The following DENND4A variants were observed in gnomAD, a reference collection of about 807,000 sequenced individuals.
DENND4A encodes the protein DENN domain containing 4A.
A neutral mutation model predicts 199.3 loss-of-function variants in DENND4A; 70 were observed. The observed-to-expected ratio is 0.35, with a 90% CI of 0.29 to 0.43. DENND4A has a LOEUF of 0.43. Ranked by LOEUF, DENND4A falls within the 20% of genes least tolerant of loss-of-function variation. The pLI is 1.00. For synonymous variants in DENND4A, 686 were observed against 766.9 expected (o/e 0.89, Z 1.74); for missense variants, 1,723 against 2,255.8 (o/e 0.76, Z 4.78).
Position 65,661,162 on chromosome 15 carries a change from A to T in DENND4A, c.*689T>A, listed in dbSNP as rs1385427820. 6.6e-6 allele frequency: 1 copy of T among 152,090 alleles called. No individual in the cohort carries two copies. Among genetic ancestry groups the T allele is most frequent in the Non-Finnish European group, 1.5e-5 (1 of 68,012 alleles). The allele number at this position is 152,090 out of a possible 1,614,324, so 9.4% of individuals were successfully genotyped here. On this transcript the variant is annotated 3_prime_UTR_variant, in exon 33 of 33. Coordinates refer to ENST00000443035, the MANE Select transcript of DENND4A (RefSeq NM_001320835.1). ...CTTGCATAACTCACTCCCCACACTC[A>T]GGCTTAGGGGTACTAACATGCAATC...
intron 27 of DENND4A, 109 bp from the exon 28 acceptor site, chr15:65,668,232 A>C (rs1377250894): frequency 1.2e-6 from 1 of 849,336 alleles, no homozygotes; most frequent in Non-Finnish European, 1.7e-6. Context: ...TTTTTAAGAC[A>C]GAGTCTTGCT....
intron 23 of DENND4A, among the ~76,000 whole-genome samples, chr15:65,690,104 A>G (rs1049432439): frequency 1.3e-5 from 2 of 152,206 alleles, no homozygotes; most frequent in Non-Finnish European, 2.9e-5. Flanking sequence ...TATTGGACAC[A>G]TTATCTGGAA....
At chr15:65,705,910 A>G in intron 15 of DENND4A, 181 bp downstream of exon 15, 1 of 771,234 alleles carries the variant, frequency 1.3e-6, no homozygotes. Flanking sequence ...GCAAAATTAT[A>G]TATGTTTTCT....
intron 9 of DENND4A, among the ~76,000 whole-genome samples, chr15:65,730,563 A>G (rs557911092): frequency 3.7e-4 from 57 of 152,284 alleles, no homozygotes; most frequent in Non-Finnish European, 7.1e-4. Flanking sequence ...GTACTGATAC[A>G]TGAGGCAACA....
intron 1 of DENND4A, among the ~76,000 whole-genome samples, chr15:65,791,265 T>C (rs567725345): frequency 6.6e-6 from 1 of 152,156 alleles, no homozygotes; most frequent in African/African-American, 2.4e-5. Flanking sequence ...TACGTTTGAA[T>C]TAAAAGCACA....
chr15:65,790,056 A>AT (rs1467884148), intron 1 of DENND4A, among the ~76,000 whole-genome samples: 5 of 152,164 alleles, frequency 3.3e-5, no homozygotes, highest in African/African-American at 1.2e-4. Flanking sequence ...TTATTTTACA[A>AT]TTCTATTAAT....
chr15:65,697,232 C>T, intron 21 of DENND4A, 35 bp downstream of exon 21: 1 of 1,297,962 alleles, frequency 7.7e-7, no homozygotes, highest in Non-Finnish European at 1.1e-6. Flanking sequence ...TATAAGTTCT[C>T]AATTTTATAC....
intron 9 of DENND4A, 44 bp downstream of exon 9, chr15:65,731,598 T>C (rs775727176): frequency 3.2e-5 from 44 of 1,363,548 alleles, no homozygotes; most frequent in Non-Finnish European, 4.2e-5. Flanking sequence ...TTGAATGTTA[T>C]GCTAGATTGA....
chr15:65,667,607 A>C lies in DENND4A; in HGVS notation c.5083T>G (p.Leu1695Val). 2 of 1,614,018 alleles carry C rather than the reference A, an allele frequency of 1.2e-6. No homozygotes were observed. The highest frequency in any genetic ancestry group is 1.7e-6 in the Non-Finnish European group (2 of 1,179,894). Residue 1695 changes from leucine (L) to valine (V), a missense_variant, in exon 29 of 33, where the codon TTG becomes GTG. This residue lies in a region of DENND4A where 164 missense variants were observed against 280.1 expected (regional missense o/e 0.59). Coordinates refer to ENST00000443035, the MANE Select transcript of DENND4A (RefSeq NM_001320835.1). ...LVVWKELESLLENEGDHAITV... is the reference protein window; with the variant it reads ...LVVWKELESLVENEGDHAITV... Reference sequence around the variant, plus strand: ...ATTGCATGATCACCTTCATTTTCCAATAAGCTTTCAAGTTCTTTCCATACC... The same window carrying C: ...ATTGCATGATCACCTTCATTTTCCACTAAGCTTTCAAGTTCTTTCCATACC...
chr15:65,659,314 A>ATTTTGTTTTTTTTTTT lies in DENND4A; in HGVS notation c.*2536_*2537insAAAAAAAAAAACAAAA, dbSNP rs2075774246. 1.7e-5 allele frequency: 1 copy of ATTTTGTTTTTTTTTTT among 60,520 alleles called. No individual in the cohort carries two copies. Among genetic ancestry groups the ATTTTGTTTTTTTTTTT allele is most frequent in the South Asian group, 5.0e-4 (1 of 1,998 alleles). 3.7% of individuals were successfully genotyped at this position (60,520 alleles called of 1,614,324 possible). On this transcript the variant is annotated 3_prime_UTR_variant, in exon 33 of 33. Coordinates refer to ENST00000443035, the MANE Select transcript of DENND4A (RefSeq NM_001320835.1). Reference sequence around the variant, plus strand: ...TATAGAGTTATTTTAAATGATTGATATTTTCTGGTTTTTTTTTTTTTTTTT... The same window carrying ATTTTGTTTTTTTTTTT: ...TATAGAGTTATTTTAAATGATTGATATTTTGTTTTTTTTTTTTTTTCTGGTTTTTTTTTTTTTTTTT...
intron 15 of DENND4A, 183 bp downstream of exon 15, chr15:65,705,906 TTA>T (rs1164507592): frequency 9.2e-6 from 7 of 757,310 alleles, no homozygotes; most frequent in Non-Finnish European, 4.8e-6. Context: ...TTATGCAAAA[TTA>T]TATATGTTTT....
rs1340354135 is a variant in DENND4A, at chr15:65,703,017, G to C, written c.2088-9C>G. 1 of 1,606,684 alleles carries C rather than the reference G, an allele frequency of 6.2e-7. No homozygotes were observed. The highest frequency in any genetic ancestry group is 1.3e-5 in the African/African-American group (1 of 74,368). On this transcript the variant is annotated splice_polypyrimidine_tract_variant and intron_variant, in intron 15 of 32. Transcript: ENST00000443035. Reference sequence around the variant, plus strand: ...CTGGAAATCCATTATAGCTGTTTTAGAAAAAACAAAACAAAACAAAAAAGA... The same window carrying C: ...CTGGAAATCCATTATAGCTGTTTTACAAAAAACAAAACAAAACAAAAAAGA...
rs2142073185 is a variant in DENND4A, at chr15:65,691,186, G to A, written c.3408C>T (p.Asp1136=). 1.9e-6 allele frequency: 3 copies of A among 1,613,390 alleles called. No homozygotes were observed. In the South Asian group the frequency reaches 3.3e-5, roughly 18 times the overall value. ...IGKPPLRSKR[D]SLEKESSDDD... Reference sequence around the variant, plus strand: ...CATCACTAGATTCCTTTTCTAGACTGTCTCTTTTTGATCTTAAAGGTGGCT... The same window carrying A: ...CATCACTAGATTCCTTTTCTAGACTATCTCTTTTTGATCTTAAAGGTGGCT... Residue 1136 remains aspartate, a synonymous_variant, in exon 23 of 33, where the codon GAC becomes GAT. Coordinates refer to ENST00000443035, the MANE Select transcript of DENND4A (RefSeq NM_001320835.1).
intron 24 of DENND4A, among the ~76,000 whole-genome samples, chr15:65,674,715 C>G (rs1596398902): frequency 7.1e-6 from 1 of 141,840 alleles, no homozygotes; most frequent in South Asian, 2.2e-4. Context: ...GCCTGAGCAA[C>G]AGAGTGAGAC....
chr15:65,690,082 T>C (rs76276168), intron 23 of DENND4A, among the ~76,000 whole-genome samples: 1 of 152,186 alleles, frequency 6.6e-6, no homozygotes, highest in Non-Finnish European at 1.5e-5. Flanking sequence ...TGACTGGTAA[T>C]TTTTGAGGGC....
chr15:65,782,241 A>G (rs1226042303), intron 1 of DENND4A, among the ~76,000 whole-genome samples: 1 of 152,100 alleles, frequency 6.6e-6, no homozygotes, highest in African/African-American at 2.4e-5. Context: ...TTCTGCTCTC[A>G]AACATCCCAG....
chr15:65,707,143 G>A (rs999160444), intron 14 of DENND4A, among the ~76,000 whole-genome samples: 3 of 151,738 alleles, frequency 2.0e-5, no homozygotes, highest in South Asian at 2.1e-4. Flanking sequence ...CATCAATATC[G>A]AAAGCACTTT....
chr15:65,771,397 T>C (rs2077120761), intron 1 of DENND4A: 2 of 1,584,114 alleles, frequency 1.3e-6, no homozygotes, highest in East Asian at 4.5e-5. Context: ...TATATTCATT[T>C]TTAAAGTCCT....
intron 1 of DENND4A, among the ~76,000 whole-genome samples, chr15:65,769,965 A>C (rs1341463819): frequency 6.6e-6 from 1 of 151,954 alleles, no homozygotes; most frequent in African/African-American, 2.4e-5. Context: ...TTTCTAATTC[A>C]TAATATGGAA....
Sources: gnomAD v4.1 joint callset for allele counts (sites outside exome capture counted in the v4.1 genomes callset) on GRCh38, gnomAD v4.1.1 for gene constraint, gnomAD v4.1.1 regional missense constraint, MANE v1.5 for transcripts, NCBI Gene and HGNC (gene_info 2026-07-23, HGNC 2026-07-21) for gene names.